CAST: variants seen among roughly 807,000 people sequenced by gnomAD.
The protein encoded by CAST is MIR583 host.
In CAST, 76 loss-of-function variants were observed where a neutral mutation model predicts 119.6. The observed-to-expected ratio is 0.64, with a 90% CI of 0.53 to 0.77. CAST has a LOEUF of 0.77. Among genes scored for constraint, CAST ranks in the 30% least tolerant of loss-of-function variants. The probability of loss-of-function intolerance (pLI) is 0.00; values close to 1 mark genes in which losing one functional copy is unlikely to be tolerated. For missense variants in CAST, 953 were observed against 946.5 expected (o/e 1.01, Z -0.09); for synonymous variants, 319 against 331.6 (o/e 0.96, Z 0.41).
At chr5:96,624,289 G>C (rs144597959) in intron 1 of CAST, among the ~76,000 whole-genome samples, 63 of 152,332 alleles carry the variant, frequency 4.1e-4, no homozygotes, top group African/African-American at 1.5e-3. Flanking sequence ...TTAGACAGTA[G>C]AGTGTTTCAA....
the CAST span, among the ~76,000 whole-genome samples, chr5:96,514,538 G>T: frequency 1.3e-5 from 2 of 152,136 alleles, no homozygotes; most frequent in African/African-American, 4.8e-5. Flanking sequence ...CTTACTTGTA[G>T]TTGATCAAAA....
At chr5:96,661,851 C>A (rs146281388), upstream of CAST, among the ~76,000 whole-genome samples, 105 of 133,418 alleles carry the variant, frequency 7.9e-4, no homozygotes, top group African/African-American at 3.8e-3. Flanking sequence ...TACACAGGCG[C>A]GTGCACGCAC....
the CAST span, among the ~76,000 whole-genome samples, chr5:96,020,392 G>A: frequency 6.6e-6 from 1 of 152,278 alleles, no homozygotes; most frequent in East Asian, 1.9e-4. Context: ...TCCTCTAGGG[G>A]TCCACAACCC....
chr5:96,425,038 AAGAAAGAAAGAAAG>A, the CAST span, among the ~76,000 whole-genome samples: 2 of 145,230 alleles, frequency 1.4e-5, no homozygotes, highest in African/African-American at 5.5e-5. Flanking sequence ...GAAAGAAAGA[AAGAAAGAAAGAAAG>A]AAAGAAAGAA....
chr5:96,397,771 C>T, the CAST span, among the ~76,000 whole-genome samples: 2 of 151,770 alleles, frequency 1.3e-5, no homozygotes, highest in Non-Finnish European at 2.9e-5. Context: ...AAGGAAAACT[C>T]GGCGAACTAC....
chr5:96,230,529 T>G, the CAST span, among the ~76,000 whole-genome samples: 1 of 152,128 alleles, frequency 6.6e-6, no homozygotes, highest in African/African-American at 2.4e-5. Flanking sequence ...AAAATAATTA[T>G]GATAATAAAA....
chr5:96,534,293 G>A (rs1745741882), intron 1 of CAST, among the ~76,000 whole-genome samples: 1 of 152,052 alleles, frequency 6.6e-6, no homozygotes. Flanking sequence ...TAGATTGATG[G>A]ATTTAAATGT....
chr5:96,619,583 CTGTT>C (rs1043614535), intron 1 of CAST, among the ~76,000 whole-genome samples: 4 of 152,242 alleles, frequency 2.6e-5, no homozygotes, highest in Non-Finnish European at 4.4e-5. Flanking sequence ...CTGTTCCTCA[CTGTT>C]TGGGTCTGCG....
the CAST span, among the ~76,000 whole-genome samples, chr5:96,294,250 A>G: frequency 1.3e-5 from 2 of 152,138 alleles, no homozygotes; most frequent in East Asian, 1.9e-4. Context: ...TTTCATTCCT[A>G]TATATAACTC....
intron 1 of CAST, among the ~76,000 whole-genome samples, chr5:96,552,098 A>G (rs1333760055): frequency 6.6e-6 from 1 of 152,172 alleles, no homozygotes; most frequent in East Asian, 1.9e-4. Context: ...TCTCCACCCC[A>G]AATCAACAGA....
chr5:96,069,510 G>T, the CAST span, among the ~76,000 whole-genome samples: 271 of 151,720 alleles, frequency 1.8e-3, 1 homozygote, highest in African/African-American at 6.2e-3. Context: ...AAGAGACAGG[G>T]TCTTGCTCTG....
At chr5:96,078,291 C>G in the CAST span, among the ~76,000 whole-genome samples, 1 of 152,174 alleles carries the variant, frequency 6.6e-6, no homozygotes, top group Admixed American at 6.5e-5. Flanking sequence ...TAACACTCCC[C>G]TTCTCCCTCA....
At chr5:96,290,606 AC>A in the CAST span, among the ~76,000 whole-genome samples, 1 of 152,198 alleles carries the variant, frequency 6.6e-6, no homozygotes, top group South Asian at 2.1e-4. Context: ...ACCAGTGAAA[AC>A]AAATGCATTC....
the CAST span, among the ~76,000 whole-genome samples, chr5:96,191,144 T>C: frequency 6.6e-6 from 1 of 152,242 alleles, no homozygotes; most frequent in East Asian, 1.9e-4. Context: ...TGCTGTGGGA[T>C]GCTGGCTTCC....
chr5:96,069,849 T>A, the CAST span, among the ~76,000 whole-genome samples: 1 of 150,972 alleles, frequency 6.6e-6, no homozygotes, highest in African/African-American at 2.4e-5. Context: ...GATGCGGAGA[T>A]TGGCAAATCC....
the CAST span, among the ~76,000 whole-genome samples, chr5:96,413,577 A>T: frequency 1.3e-5 from 2 of 151,970 alleles, no homozygotes; most frequent in South Asian, 4.2e-4. Context: ...AGGTGGGTGG[A>T]TCACTTGAGG....
chr5:96,570,250 T>C (rs1746545858), intron 1 of CAST, among the ~76,000 whole-genome samples: 1 of 152,192 alleles, frequency 6.6e-6, no homozygotes, highest in Admixed American at 6.5e-5. Flanking sequence ...AAAAGATTTA[T>C]AAAATGAGTT....
chr5:96,355,434 G>A, the CAST span, among the ~76,000 whole-genome samples: 2 of 152,120 alleles, frequency 1.3e-5, no homozygotes, highest in African/African-American at 2.4e-5. Context: ...TATCATTAAT[G>A]GCATTTGGGT....
At chr5:96,561,661 T>C (rs1434296706) in intron 1 of CAST, among the ~76,000 whole-genome samples, 3 of 151,974 alleles carry the variant, frequency 2.0e-5, no homozygotes, top group East Asian at 3.9e-4. Flanking sequence ...TGTATACATA[T>C]GTAACAAAAC....
Sources: gnomAD v4.1 joint callset for allele counts (sites outside exome capture counted in the v4.1 genomes callset) on GRCh38, gnomAD v4.1.1 for gene constraint, MANE v1.5 for transcripts, NCBI Gene and HGNC (gene_info 2026-07-23, HGNC 2026-07-21) for gene names.